Variants in ME2 observed in about 807,000 individuals in gnomAD.
ME2 encodes NAD-dependent malic enzyme, mitochondrial.
In ME2, 60 loss-of-function variants were observed where a neutral mutation model predicts 73.7. That is an observed-to-expected ratio of 0.81 (90% CI 0.66 to 1.01). The LOEUF (loss-of-function observed/expected upper bound fraction) is 1.01, where lower values mean the gene tolerates loss of function less well. Among genes scored for constraint, ME2 ranks in the 50% least tolerant of loss-of-function variants. The pLI is 0.00. For missense variants in ME2, 594 were observed against 705.5 expected, an observed-to-expected ratio of 0.84 and a Z score of 1.79; for synonymous variants, 199 against 236.9, an observed-to-expected ratio of 0.84 and a Z score of 1.47.
intron 2 of ME2, among the ~76,000 whole-genome samples, chr18:50,898,740 C>G (rs1027183953): frequency 6.6e-6 from 1 of 152,050 alleles, no homozygotes; most frequent in Non-Finnish European, 1.5e-5. Flanking sequence ...GCCAAAATTT[C>G]TTACACTTTA....
At chr18:50,902,764 T>C (rs1435455799) in intron 2 of ME2, among the ~76,000 whole-genome samples, 1 of 152,224 alleles carries the variant, frequency 6.6e-6, no homozygotes, top group East Asian at 1.9e-4. Flanking sequence ...TTATAACATA[T>C]ACTTTTATAT....
intron 2 of ME2, among the ~76,000 whole-genome samples, chr18:50,906,562 C>T (rs1917024616): frequency 6.6e-6 from 1 of 152,200 alleles, no homozygotes; most frequent in Admixed American, 6.5e-5. Context: ...ATCCGCCCAC[C>T]TTGGCCTCCC....
chr18:50,908,790 A>G (rs1335973004), intron 3 of ME2, among the ~76,000 whole-genome samples: 1 of 151,932 alleles, frequency 6.6e-6, no homozygotes, highest in Non-Finnish European at 1.5e-5. Flanking sequence ...ACAGGCGCCC[A>G]CCACCATGCC....
chr18:50,939,128 CA>C (rs373819939), intron 13 of ME2: 21,976 of 57,610 alleles, frequency 0.38, 2,577 homozygotes, highest in African/African-American at 0.55. Context: ...TAAGAGAAGG[CA>C]AAAAAAAAAA....
intron 1 of ME2, among the ~76,000 whole-genome samples, chr18:50,882,288 C>T (rs899369056): frequency 1.3e-5 from 2 of 152,132 alleles, no homozygotes; most frequent in African/African-American, 4.8e-5. Context: ...GTGTTCGCCA[C>T]GGGATTTAAA....
At chr18:50,897,617 T>C (rs1023534693) in intron 2 of ME2, among the ~76,000 whole-genome samples, 3 of 152,170 alleles carry the variant, frequency 2.0e-5, no homozygotes, top group African/African-American at 7.2e-5. Context: ...TCCCAGCACT[T>C]TGGGAGGCTG....
In ME2 at chr18:50,949,510, G is replaced by A. The variant is rs1449608448; in HGVS notation, c.*2326G>A. ...CACCGCACCTGGCTGAGAGGCTTCT[G>A]TTTTTCATGTTCCCTTTATCAAAAC... On this transcript the variant is annotated 3_prime_UTR_variant, in exon 16 of 16. Coordinates refer to ENST00000321341, the MANE Select transcript of ME2 (RefSeq NM_002396.5). 3.9e-5 allele frequency: 6 copies of A among 152,098 alleles called. No homozygotes were observed. Among genetic ancestry groups the A allele is most frequent in the Non-Finnish European group, 7.4e-5 (5 of 68,018 alleles). The allele number at this position is 152,098 out of a possible 1,614,324, so 9.4% of individuals were successfully genotyped here.
chr18:50,901,556 T>TA (rs1916890605), intron 2 of ME2, among the ~76,000 whole-genome samples: 1 of 152,244 alleles, frequency 6.6e-6, no homozygotes. Context: ...TAGAGGTAGA[T>TA]ATAAGTGATA....
chr18:50,893,572 G>A (rs1007329708), intron 1 of ME2, among the ~76,000 whole-genome samples: 4 of 152,190 alleles, frequency 2.6e-5, no homozygotes, highest in Middle Eastern at 3.2e-3. Context: ...CAAAAAGTTT[G>A]TGTAGGCTCA....
rs1362384661 is a variant in ME2, at chr18:50,940,339, C to G, written c.1540C>G (p.Pro514Ala). ...DEELAQGRLY[P>A]PLANIQEVSI... ...AGAGCTAGCCCAAGGGAGACTTTAC[C>G]CACCGCTTGCTAATATTCAGGAAGT... Residue 514 changes from proline to alanine, a missense_variant, in exon 15 of 16, where the codon CCA becomes GCA. Pro to Ala is a conservative substitution (Grantham distance 27). Transcript: ENST00000321341. 6.2e-7 allele frequency: 1 copy of G among 1,611,396 alleles called. No individual in the cohort carries two copies. The highest frequency in any genetic ancestry group is 8.5e-7 in the Non-Finnish European group (1 of 1,179,432).
At chr18:50,890,063 CA>C (rs1303551125) in intron 1 of ME2, among the ~76,000 whole-genome samples, 3 of 151,606 alleles carry the variant, frequency 2.0e-5, no homozygotes, top group African/African-American at 7.3e-5. Flanking sequence ...CAAGAGATTT[CA>C]AAAATCAAGA....
In ME2 at chr18:50,938,873, C is replaced by G. The variant is rs562314548; in HGVS notation, c.1418-697C>G. Among the ~76,000 whole-genome samples, 4 of 151,924 alleles carry G rather than the reference C, an allele frequency of 2.6e-5. No individual in the cohort carries two copies. In the Middle Eastern group the frequency reaches 0.01, roughly 388 times the overall value. Reference sequence around the variant, plus strand: ...GAGTGAGAGTTCAAGGGTGAAATAACAATGTTAAATACTAAAAAATCAAAG... The same window carrying G: ...GAGTGAGAGTTCAAGGGTGAAATAAGAATGTTAAATACTAAAAAATCAAAG... On this transcript the variant is annotated intron_variant, in intron 13 of 15. Transcript: ENST00000321341.
rs1390700597 is a variant in ME2, at chr18:50,920,672, G to A, written c.856G>A (p.Val286Ile). 6.2e-7 allele frequency: 1 copy of A among 1,607,074 alleles called. No homozygotes were observed. Among genetic ancestry groups the A allele is most frequent in the Non-Finnish European group, 8.5e-7 (1 of 1,178,304 alleles). ...TGTTTTTCTTACAGGGACAGCTGCA[G>A]TAGCTCTAGCAGGTCTTCTTGCAGC... ...FNDDIQGTAA[V>I]ALAGLLAAQK... Residue 286 changes from valine (V) to isoleucine (I), a missense_variant, in exon 9 of 16, where the codon GTA becomes ATA. Physicochemically the swap from Val to Ile is conservative, Grantham distance 29. Transcript: ENST00000321341.
chr18:50,903,747 C>T (rs1916945510), intron 2 of ME2, among the ~76,000 whole-genome samples: 1 of 152,172 alleles, frequency 6.6e-6, no homozygotes, highest in African/African-American at 2.4e-5. Context: ...CTGTGCCTGG[C>T]CCAAAGCACT....
intron 2 of ME2, among the ~76,000 whole-genome samples, chr18:50,902,032 A>C (rs1433913682): frequency 1.3e-5 from 2 of 152,222 alleles, no homozygotes; most frequent in Non-Finnish European, 2.9e-5. Flanking sequence ...AATTTATTTC[A>C]GCCAAATTCA....
chr18:50,907,125 G>A (rs1353270092), intron 2 of ME2, among the ~76,000 whole-genome samples: 2 of 152,114 alleles, frequency 1.3e-5, no homozygotes, highest in Admixed American at 6.6e-5. Flanking sequence ...TGGGGTGAGC[G>A]CCAAGTTAGG....
At chr18:50,911,253 A>G (rs554978782) in intron 3 of ME2, among the ~76,000 whole-genome samples, 2 of 152,290 alleles carry the variant, frequency 1.3e-5, no homozygotes, top group East Asian at 3.9e-4. Flanking sequence ...TTACTTCCCT[A>G]TACTGCAGAG....
rs199728259 is a variant in ME2 at position 50,891,814 on chromosome 18, A to AT, written c.-12-3978dup. Among the ~76,000 whole-genome samples the AT allele has an allele frequency of 9.9e-3, 1,401 of 140,818 alleles. 11 individuals are homozygous for AT. The highest frequency in any genetic ancestry group is 0.022 in the African/African-American group (862 of 38,478). 92.4% of individuals were successfully genotyped at this position (140,818 alleles called of 152,430 possible). On this transcript the variant is annotated intron_variant, in intron 1 of 15. Coordinates refer to ENST00000321341, the MANE Select transcript of ME2 (RefSeq NM_002396.5). ...ACGCCCACCTGGAATTGGACTTATAATTTTTTTTTTTTTTTTTGAGATGGG... is the reference window on the plus strand; with the variant it reads ...ACGCCCACCTGGAATTGGACTTATAATTTTTTTTTTTTTTTTTTGAGATGGG...
intron 9 of ME2, 133 bp downstream of exon 9, chr18:50,920,891 A>C: frequency 1.3e-6 from 1 of 745,266 alleles, no homozygotes; most frequent in Non-Finnish European, 2.2e-6. Context: ...TGAAATCAAG[A>C]GTTCTGCTGT....
Sources: allele counts gnomAD v4.1 joint callset (sites outside exome capture counted in the v4.1 genomes callset), GRCh38; gene constraint gnomAD v4.1.1; transcripts MANE v1.5; gene names NCBI Gene and HGNC (gene_info 2026-07-23, HGNC 2026-07-21).